NCR1: variants seen among roughly 807,000 people sequenced by gnomAD.
NCR1 encodes natural cytotoxicity triggering receptor 1.
In NCR1, 30 loss-of-function variants were observed where a neutral mutation model predicts 32.5. That is an observed-to-expected ratio of 0.92 (90% CI 0.69 to 1.25). The LOEUF (loss-of-function observed/expected upper bound fraction) is 1.25, where lower values mean the gene tolerates loss of function less well. NCR1 is among the 50% of genes most tolerant of loss of function. The pLI, the probability that NCR1 is intolerant of heterozygous loss-of-function variation, is 0.00. For synonymous variants in NCR1, 169 were observed against 143.4 expected (o/e 1.18, Z -1.28); for missense variants, 369 against 380.7 (o/e 0.97, Z 0.26).
At chr19:54,905,379 C>T (rs1223395337), upstream of NCR1, among the ~76,000 whole-genome samples, 6 of 151,780 alleles carry the variant, frequency 4.0e-5, no homozygotes, top group Non-Finnish European at 7.4e-5. Context: ...TTAGGTGCAC[C>T]GGCCCCAGTC....
the NCR1 span, chr19:54,930,492 C>T: frequency 3.7e-5 from 59 of 1,589,362 alleles, 1 homozygote; most frequent in Non-Finnish European, 4.4e-5. Flanking sequence ...AAAAGAAAAT[C>T]GCCTACCGTA....
rs2278428 is a variant in NCR1 at position 54,906,696 on chromosome 19, C to A, written c.244C>A (p.Gln82Lys). Residue 82 changes from glutamine (Q) to lysine (K), a missense_variant, in exon 3 of 7, where the codon CAA (glutamine) becomes AAA (lysine). By Grantham distance (53) the Gln-to-Lys change is moderately conservative. Coordinates refer to ENST00000291890, the MANE Select transcript of NCR1 (RefSeq NM_004829.7). Reference sequence around the variant, plus strand: ...ACCCCCTGAGCGGATTAACAAAGTCCAATTCTACATCCCGGACATGAACTC... The same window carrying A: ...ACCCCCTGAGCGGATTAACAAAGTCAAATTCTACATCCCGGACATGAACTC... Reference protein sequence around the residue: ...PKPPERINKVQFYIPDMNSRM... With the variant: ...PKPPERINKVKFYIPDMNSRM... 1,455,238 of 1,614,136 alleles carry A rather than the reference C, an allele frequency of 0.9. 659,633 individuals are homozygous for A. Among genetic ancestry groups the A allele is most frequent in the African/African-American group, 0.97 (72,504 of 75,036 alleles).
At chr19:54,924,707 G>A in the NCR1 span, among the ~76,000 whole-genome samples, 3 of 151,890 alleles carry the variant, frequency 2.0e-5, no homozygotes, top group South Asian at 2.1e-4. Flanking sequence ...AGGCCGAGGC[G>A]GGCAGATCAC....
chr19:54,938,202 A>T, the NCR1 span: 1 of 1,614,092 alleles, frequency 6.2e-7, no homozygotes, highest in South Asian at 1.1e-5. Flanking sequence ...GAGAGCGAAG[A>T]TCCTGCCGAG....
chr19:54,918,030 C>T (rs1024289077), downstream of NCR1, among the ~76,000 whole-genome samples: 3 of 152,102 alleles, frequency 2.0e-5, no homozygotes, highest in African/African-American at 7.2e-5. Context: ...GATCTCTGCT[C>T]ACTGCAAGCT....
chr19:54,903,329 C>T (rs587670190), upstream of NCR1, among the ~76,000 whole-genome samples: 8 of 116,232 alleles, frequency 6.9e-5, 1 homozygote, highest in South Asian at 4.9e-4. Context: ...TGTATATATA[C>T]ATGTATGTAT....
chr19:54,935,632 G>C, the NCR1 span, among the ~76,000 whole-genome samples: 1 of 151,240 alleles, frequency 6.6e-6, no homozygotes, highest in Non-Finnish European at 1.5e-5. Context: ...GGCGGAGGTT[G>C]CAGTGAACGA....
upstream of NCR1, among the ~76,000 whole-genome samples, chr19:54,903,135 GA>G (rs975297638): frequency 2.1e-4 from 30 of 143,834 alleles, no homozygotes; most frequent in African/African-American, 5.4e-4. Context: ...GTCTTAAAGA[GA>G]AAAAAAAAAG....
chr19:54,912,176 T>C lies in NCR1; in HGVS notation c.691T>C (p.Trp231Arg), dbSNP rs1048027251. The C allele has an allele frequency of 6.2e-7, 1 of 1,613,858 alleles. No homozygotes were observed. Among genetic ancestry groups the C allele is most frequent in the Non-Finnish European group, 8.5e-7 (1 of 1,179,852 alleles). Residue 231 changes from tryptophan (W) to arginine (R), a missense_variant, in exon 6 of 7, where the codon TGG (tryptophan) becomes CGG (arginine). Trp to Arg is a moderately radical substitution (Grantham distance 101). Transcript: ENST00000291890. ...PEDPTFPADT[W>R]GTYLLTTETG... The stretch of plus-strand genomic sequence containing the variant: ...ACTTCCCTTATCATCAGCAGACACT[T>C]GGGGCACCTACCTTTTAACCACAGA...
At chr19:54,903,580 G>C (rs796632602), upstream of NCR1, among the ~76,000 whole-genome samples, 1 of 130,862 alleles carries the variant, frequency 7.6e-6, no homozygotes, top group African/African-American at 2.9e-5. Flanking sequence ...GTATATATAC[G>C]CATATACATG....
chr19:54,919,976 T>C (rs1378312655), downstream of NCR1, among the ~76,000 whole-genome samples: 2 of 152,248 alleles, frequency 1.3e-5, no homozygotes, highest in Admixed American at 6.5e-5. Flanking sequence ...GCTATGATTA[T>C]AGAGTGAGGA....
At chr19:54,935,915 GA>G in the NCR1 span, among the ~76,000 whole-genome samples, 10,356 of 152,090 alleles carry the variant, frequency 0.068, 861 homozygotes, top group African/African-American at 0.2. Flanking sequence ...CCCGTCTGTG[GA>G]AAAAACTGTC....
At chr19:54,923,880 G>T in the NCR1 span, 1 of 1,612,196 alleles carries the variant, frequency 6.2e-7, no homozygotes, top group Non-Finnish European at 8.5e-7. Flanking sequence ...AACCTGGAGG[G>T]ATCAGAGAAC....
chr19:54,903,442 G>A (rs1270308846), upstream of NCR1, among the ~76,000 whole-genome samples: 2 of 114,222 alleles, frequency 1.8e-5, no homozygotes, highest in African/African-American at 3.3e-5. Flanking sequence ...ACGCATACAT[G>A]TATGTATATA....
chr19:54,908,743 C>T (rs1310767123), intron 3 of NCR1, among the ~76,000 whole-genome samples: 3 of 150,522 alleles, frequency 2.0e-5, no homozygotes, highest in African/African-American at 7.3e-5. Context: ...AATTCTCCTG[C>T]CTCAGCCTCC....
the NCR1 span, among the ~76,000 whole-genome samples, chr19:54,925,507 C>CTTGAATAAGAG: frequency 6.6e-6 from 1 of 152,070 alleles, no homozygotes; most frequent in African/African-American, 2.4e-5. Flanking sequence ...TAAAATAACT[C>CTTGAATAAGAG]TTGAATAAGA....
At chr19:54,930,770 C>CAGTGAGCCAAG in the NCR1 span, 1 of 939,430 alleles carries the variant, frequency 1.1e-6, no homozygotes, top group Non-Finnish European at 1.7e-6. Flanking sequence ...TACTGGAATG[C>CAGTGAGCCAAG]AGTGCTGCAC....
At chr19:54,909,031 A>G (rs1488530323) in intron 3 of NCR1, among the ~76,000 whole-genome samples, 1 of 150,610 alleles carries the variant, frequency 6.6e-6, no homozygotes, top group Non-Finnish European at 1.5e-5. Context: ...GCTGCCAGGC[A>G]TGGTGGCAGG....
At chr19:54,900,176 C>T in the NCR1 span, among the ~76,000 whole-genome samples, 19,127 of 152,048 alleles carry the variant, frequency 0.13, 1,289 homozygotes, top group African/African-American at 0.16. Flanking sequence ...CGAGTTATGG[C>T]ACCAAATTTC....
Sources: allele counts gnomAD v4.1 joint callset (sites outside exome capture counted in the v4.1 genomes callset), GRCh38; gene constraint gnomAD v4.1.1; transcripts MANE v1.5; gene names NCBI Gene and HGNC (gene_info 2026-07-23, HGNC 2026-07-21).